The following LEPROTL1 variants were observed in gnomAD, a reference collection of about 807,000 sequenced individuals.
The protein encoded by LEPROTL1 is leptin receptor overlapping transcript-like 1.
A neutral mutation model predicts 15.4 loss-of-function variants in LEPROTL1; 6 were observed. That is an observed-to-expected ratio of 0.39 (90% CI 0.21 to 0.77). The LOEUF (loss-of-function observed/expected upper bound fraction) is 0.77. LEPROTL1 is among the 30% of genes least tolerant of loss of function. LEPROTL1 has a pLI of 0.41. For missense variants in LEPROTL1, 128 were observed against 158.1 expected, an observed-to-expected ratio of 0.81 and a Z score of 1.02; for synonymous variants, 56 against 52.6, an observed-to-expected ratio of 1.06 and a Z score of -0.28.
intron 4 of LEPROTL1, chr8:30,132,808 C>T (rs1803056299): frequency 6.4e-7 from 1 of 1,551,748 alleles, no homozygotes; most frequent in African/African-American, 1.4e-5. Context: ...GCTCCTGAAG[C>T]CTCCAGATGC....
chr8:30,120,133 C>G (rs1802807646), intron 3 of LEPROTL1, among the ~76,000 whole-genome samples: 1 of 151,992 alleles, frequency 6.6e-6, no homozygotes, highest in Non-Finnish European at 1.5e-5. Flanking sequence ...GCACATTAAA[C>G]TACCTCAAAT....
chr8:30,123,090 A>G (rs1482665131), intron 3 of LEPROTL1, among the ~76,000 whole-genome samples: 2 of 152,192 alleles, frequency 1.3e-5, no homozygotes, highest in Non-Finnish European at 2.9e-5. Flanking sequence ...GAGCTCAGCT[A>G]GTATGAAGGC....
chr8:30,117,683 G>T, intron 3 of LEPROTL1: 3 of 1,465,542 alleles, frequency 2.0e-6, no homozygotes, highest in Non-Finnish European at 2.8e-6. Flanking sequence ...CGATGACTTT[G>T]GAGCACGGCC....
chr8:30,100,834 C>T (rs1563213108), intron 1 of LEPROTL1, among the ~76,000 whole-genome samples: 1 of 150,782 alleles, frequency 6.6e-6, no homozygotes, highest in Non-Finnish European at 1.5e-5. Context: ...CGTGAGAGCA[C>T]CTTAAAATGT....
rs1291984745 is a variant in LEPROTL1, at chr8:30,106,391, C to T, written c.*529C>T. 1 of 985,782 alleles carries T rather than the reference C, an allele frequency of 1.0e-6. No individual in the cohort carries two copies. 61.1% of individuals were successfully genotyped at this position (985,782 alleles called of 1,614,324 possible). ...TGGCATACGTTATAGACTGTATACT[C>T]AGTGCAAATATAGCTGCATTTATAC... On this transcript the variant is annotated 3_prime_UTR_variant, in exon 4 of 4. Coordinates refer to ENST00000321250, the MANE Select transcript of LEPROTL1 (RefSeq NM_015344.3).
chr8:30,131,057 G>A (rs537339486), intron 3 of LEPROTL1, among the ~76,000 whole-genome samples: 2 of 151,924 alleles, frequency 1.3e-5, no homozygotes, highest in Non-Finnish European at 2.9e-5. Flanking sequence ...GCCTCCCAAA[G>A]TGCTGGGATT....
rs556445123 is a variant in LEPROTL1, at chr8:30,106,229, C to T, written c.*367C>T. The T allele has an allele frequency of 1.2e-5, 12 of 985,864 alleles. No homozygotes were observed. The highest frequency in any genetic ancestry group is 9.4e-5 in the South Asian group (2 of 21,270). The allele number at this position is 985,864 out of a possible 1,614,324, so 61.1% of individuals were successfully genotyped here. Reference sequence around the variant, plus strand: ...TGCATTGGTTAGGAATTCAGAATTCCGCCGGCTCTATTACTGGTCAAGTAC... The same window carrying T: ...TGCATTGGTTAGGAATTCAGAATTCTGCCGGCTCTATTACTGGTCAAGTAC... On this transcript the variant is annotated 3_prime_UTR_variant, in exon 4 of 4. Transcript: ENST00000321250.
At chr8:30,110,368 TGTGTGTGTGTGCGTGCGCGC>T (rs1802635894), downstream of LEPROTL1, among the ~76,000 whole-genome samples, 2 of 151,832 alleles carry the variant, frequency 1.3e-5, no homozygotes, top group Admixed American at 1.3e-4. Flanking sequence ...CAGTACTCCG[TGTGTGTGTGTGCGTGCGCGC>T]GTGTGTGTAG....
intron 2 of LEPROTL1, among the ~76,000 whole-genome samples, chr8:30,102,307 A>C (rs140737925): frequency 1.6e-4 from 23 of 144,112 alleles, no homozygotes; most frequent in Non-Finnish European, 7.5e-5. Flanking sequence ...TTTGCAAAAA[A>C]ATACCATAAG....
chr8:30,125,438 T>C (rs1227568917), intron 3 of LEPROTL1, among the ~76,000 whole-genome samples: 1 of 152,190 alleles, frequency 6.6e-6, no homozygotes, highest in Non-Finnish European at 1.5e-5. Flanking sequence ...AGAAAACAAA[T>C]GGAAGGAATA....
At chr8:30,095,661 C>G in intron 1 of LEPROTL1, 133 bp downstream of exon 1, 1 of 742,732 alleles carries the variant, frequency 1.3e-6, no homozygotes, top group Non-Finnish European at 2.0e-6. Context: ...GGAAGCGACC[C>G]CCGCCCCGGC....
rs1015153214 is a variant in LEPROTL1 at position 30,108,273 on chromosome 8, G to C, written c.*2411G>C. On this transcript the variant is annotated 3_prime_UTR_variant, in exon 4 of 4. Coordinates refer to ENST00000321250, the MANE Select transcript of LEPROTL1 (RefSeq NM_015344.3). ...ATTTTGAGCTGTAGTAAAAGGATTG[G>C]TAATCTGGGAAGTAGAATTTTTACA... 6.5e-6 allele frequency: 1 copy of C among 153,372 alleles called. No homozygotes were observed. The allele number at this position is 153,372 out of a possible 1,614,324, so 9.5% of individuals were successfully genotyped here.
intron 3 of LEPROTL1, among the ~76,000 whole-genome samples, chr8:30,126,884 A>C (rs1802913375): frequency 6.6e-6 from 1 of 152,100 alleles, no homozygotes; most frequent in Admixed American, 6.6e-5. Flanking sequence ...CTAAAAATAC[A>C]AAAAAATTAG....
At chr8:30,131,035 C>T (rs1361002894) in intron 3 of LEPROTL1, among the ~76,000 whole-genome samples, 3 of 151,806 alleles carry the variant, frequency 2.0e-5, no homozygotes, top group Non-Finnish European at 4.4e-5. Context: ...ACCTTGTGAT[C>T]CGCCCGTCTC....
At chr8:30,114,297 T>TTTTGTTTTGC (rs1277056102) in intron 3 of LEPROTL1, among the ~76,000 whole-genome samples, 1 of 151,694 alleles carries the variant, frequency 6.6e-6, no homozygotes, top group Admixed American at 6.6e-5. Flanking sequence ...TTTTGTTTTG[T>TTTTGTTTTGC]TTTATTTTTT....
In LEPROTL1 at chr8:30,106,973, A is replaced by G. The variant is rs1802578226; in HGVS notation, c.*1111A>G. 1 of 985,688 alleles carries G rather than the reference A, an allele frequency of 1.0e-6. No individual in the cohort carries two copies. Among genetic ancestry groups the G allele is most frequent in the South Asian group, 4.7e-5 (1 of 21,290 alleles). 61.1% of individuals were successfully genotyped at this position (985,688 alleles called of 1,614,324 possible). A position where few individuals can be genotyped will look rare whatever the true frequency, so the allele number is the denominator to read the frequency against. The stretch of plus-strand genomic sequence containing the variant: ...GCCCCCTCCCCTGCAAGGCCTTGCC[A>G]TGATTAACAAGTAACTTGTTAGTCT... On this transcript the variant is annotated 3_prime_UTR_variant, in exon 4 of 4. Transcript: ENST00000321250.
At chr8:30,126,363 C>T (rs911802409) in intron 3 of LEPROTL1, among the ~76,000 whole-genome samples, 25 of 152,196 alleles carry the variant, frequency 1.6e-4, no homozygotes, top group African/African-American at 6.0e-4. Flanking sequence ...ATGACTGTAC[C>T]TTCCATTAGG....
Position 30,095,566 on chromosome 8 carries a change from G to C in LEPROTL1, c.16+38G>C. 5 of 1,346,630 alleles carry C rather than the reference G, an allele frequency of 3.7e-6. No individual in the cohort carries two copies. The African/African-American group carries it at 7.7e-5, about 21-fold the overall frequency. 83.4% of individuals were successfully genotyped at this position (1,346,630 alleles called of 1,614,324 possible). A position where few individuals can be genotyped will look rare whatever the true frequency, so the allele number is the denominator to read the frequency against. ...TGCAGGACGCGGGAGGGCTGGGGCC[G>C]GCGGGGGAAGATGGGCCGGGGGTCC... On this transcript the variant is annotated intron_variant, in intron 1 of 3. Transcript: ENST00000321250.
At chr8:30,110,779 A>G (rs575792405), downstream of LEPROTL1, among the ~76,000 whole-genome samples, 12 of 152,306 alleles carry the variant, frequency 7.9e-5, no homozygotes, top group African/African-American at 2.6e-4. Context: ...ATGAAAGAGA[A>G]GCGTTGTGGC....
Sources: gnomAD v4.1 joint callset for allele counts (sites outside exome capture counted in the v4.1 genomes callset) on GRCh38, gnomAD v4.1.1 for gene constraint, MANE v1.5 for transcripts, NCBI Gene and HGNC (gene_info 2026-07-23, HGNC 2026-07-21) for gene names.